Variants in PKNOX2 observed in about 807,000 individuals in gnomAD.
PKNOX2 encodes homeobox protein PKNOX2.
A neutral mutation model predicts 53.1 loss-of-function variants in PKNOX2; 14 were observed. The observed-to-expected ratio is 0.26, with a 90% confidence interval of 0.17 to 0.41. The LOEUF is 0.41. Among genes scored for constraint, PKNOX2 ranks in the 10% least tolerant of loss-of-function variants. The pLI is 1.00. For missense variants in PKNOX2, 496 were observed against 602.8 expected, an observed-to-expected ratio of 0.82 and a Z score of 1.85; for synonymous variants, 257 against 242.8, an observed-to-expected ratio of 1.06 and a Z score of -0.54.
intron 1 of PKNOX2, among the ~76,000 whole-genome samples, chr11:125,215,075 C>T (rs1433891151): frequency 6.6e-6 from 1 of 152,062 alleles, no homozygotes; most frequent in East Asian, 1.9e-4. Flanking sequence ...TTGTTGGAAG[C>T]TTTCTCCTCT....
chr11:125,248,228 T>G (rs1416711963), intron 2 of PKNOX2, among the ~76,000 whole-genome samples: 1 of 152,234 alleles, frequency 6.6e-6, no homozygotes, highest in African/African-American at 2.4e-5. Context: ...CTTGGAGTTT[T>G]CTGCTCCAGG....
intron 2 of PKNOX2, among the ~76,000 whole-genome samples, chr11:125,260,891 G>C (rs1331525561): frequency 6.6e-6 from 1 of 152,176 alleles, no homozygotes; most frequent in East Asian, 1.9e-4. Flanking sequence ...GTGGAGAAGT[G>C]GGAAGGAAGC....
At position 125,305,555 on chromosome 11, in the gene PKNOX2, G is replaced by A. The variant is rs1027936473; in HGVS notation, c.-129-26264G>A. On this transcript the variant is annotated intron_variant, in intron 2 of 12. Coordinates refer to ENST00000298282, the MANE Select transcript of PKNOX2 (RefSeq NM_001382323.2). ...GCACCCCCACCCCAGGCAGTGATCCGGCATAGCTGGAGGGGAGCCACTCAG... is the reference window on the plus strand; with the variant it reads ...GCACCCCCACCCCAGGCAGTGATCCAGCATAGCTGGAGGGGAGCCACTCAG... Among the ~76,000 whole-genome samples, 217 of 152,296 alleles carry A rather than the reference G, an allele frequency of 1.4e-3. 3 individuals are homozygous for A. The highest frequency in any genetic ancestry group is 3.4e-3 in the Middle Eastern group (1 of 294).
chr11:125,172,020 C>A (rs934942459), intron 1 of PKNOX2, among the ~76,000 whole-genome samples: 2 of 152,190 alleles, frequency 1.3e-5, no homozygotes, highest in Non-Finnish European at 2.9e-5. Context: ...ACAGGGCAGA[C>A]TTCTGGGAGG....
chr11:125,192,698 G>A (rs528085552), intron 1 of PKNOX2, among the ~76,000 whole-genome samples: 1 of 152,280 alleles, frequency 6.6e-6, no homozygotes, highest in Admixed American at 6.5e-5. Context: ...TTTTCTGGAT[G>A]GGGAACCCAG....
At chr11:125,265,359 C>CCAAGG (rs1465489394) in intron 2 of PKNOX2, among the ~76,000 whole-genome samples, 1 of 152,132 alleles carries the variant, frequency 6.6e-6, no homozygotes, top group Non-Finnish European at 1.5e-5. Context: ...ACATGTATGA[C>CCAAGG]CAAGGCAAGC....
intron 1 of PKNOX2, among the ~76,000 whole-genome samples, chr11:125,182,188 G>C (rs626475): frequency 6.6e-6 from 1 of 152,094 alleles, no homozygotes; most frequent in African/African-American, 2.4e-5. Context: ...GGATTGTAAC[G>C]ACTTTCACAC....
chr11:125,191,953 T>C (rs1956903108), intron 1 of PKNOX2, among the ~76,000 whole-genome samples: 2 of 152,228 alleles, frequency 1.3e-5, no homozygotes, highest in African/African-American at 4.8e-5. Flanking sequence ...GCGCTGTCAA[T>C]AGAGCTGTTA....
intron 3 of PKNOX2, among the ~76,000 whole-genome samples, chr11:125,349,510 C>T (rs1216341795): frequency 1.3e-5 from 2 of 152,174 alleles, no homozygotes; most frequent in East Asian, 3.9e-4. Flanking sequence ...GAGTGACAGG[C>T]GGTGAGGCCG....
Position 125,248,959 on chromosome 11 carries a change from TAC to T in PKNOX2, c.-130+13846_-130+13847del, listed in dbSNP as rs1943788786. ...TATATAACGTATATACATGTATATA[TAC>T]ATACATATATACATATAATATATGT... is the stretch of plus-strand genomic sequence containing the variant. On this transcript the variant is annotated intron_variant, in intron 2 of 12. Coordinates refer to ENST00000298282, the MANE Select transcript of PKNOX2 (RefSeq NM_001382323.2). Among the ~76,000 whole-genome samples the T allele has an allele frequency of 4.2e-5, 6 of 143,700 alleles. No individual in the cohort carries two copies. The South Asian group carries it at 1.1e-3, about 25-fold the overall frequency. The allele number at this position is 143,700 out of a possible 152,430, so 94.3% of individuals were successfully genotyped here.
At chr11:125,354,597 C>T (rs1951500825) in intron 4 of PKNOX2, among the ~76,000 whole-genome samples, 1 of 152,190 alleles carries the variant, frequency 6.6e-6, no homozygotes, top group Non-Finnish European at 1.5e-5. Flanking sequence ...CGAGCATAAT[C>T]TATTCAAATG....
intron 2 of PKNOX2, among the ~76,000 whole-genome samples, chr11:125,322,074 G>A (rs1949543547): frequency 6.6e-6 from 1 of 152,140 alleles, no homozygotes; most frequent in Non-Finnish European, 1.5e-5. Flanking sequence ...TTTTGGAGAG[G>A]CACATTCAGA....
intron 1 of PKNOX2, among the ~76,000 whole-genome samples, chr11:125,204,418 C>T (rs1938824223): frequency 6.6e-6 from 1 of 152,140 alleles, no homozygotes; most frequent in Non-Finnish European, 1.5e-5. Context: ...TGCTGCTGGT[C>T]CCTGGCCACA....
intron 1 of PKNOX2, among the ~76,000 whole-genome samples, chr11:125,179,809 TATAA>T (rs1565462835): frequency 6.6e-6 from 1 of 152,296 alleles, no homozygotes; most frequent in East Asian, 1.9e-4. Context: ...CAATAAAAAT[TATAA>T]ATAGATTGCA....
intron 6 of PKNOX2, among the ~76,000 whole-genome samples, chr11:125,395,660 AT>A (rs1250801933): frequency 6.6e-6 from 1 of 152,050 alleles, no homozygotes; most frequent in African/African-American, 2.4e-5. Flanking sequence ...TTTAATTTGC[AT>A]TTCCCTAGTG....
At chr11:125,169,252 C>G (rs113328592) in intron 1 of PKNOX2, among the ~76,000 whole-genome samples, 4 of 152,280 alleles carry the variant, frequency 2.6e-5, no homozygotes, top group African/African-American at 7.2e-5. Context: ...CCACCGTTAG[C>G]CTGAGTCTAG....
rs193146021 is a variant in PKNOX2, at chr11:125,358,940, T to C, written c.87+7548T>C. The stretch of plus-strand genomic sequence containing the variant: ...TTGCCGGTGTTGGGGTCCGTTCAGA[T>C]GAGGCAGGAGTCCAGTCTTCTGCGG... On this transcript the variant is annotated intron_variant, in intron 4 of 12. Transcript: ENST00000298282. Among the ~76,000 whole-genome samples the C allele has an allele frequency of 5.5e-3, 838 of 152,248 alleles. 4 individuals carry two copies. Among genetic ancestry groups the C allele is most frequent in the Non-Finnish European group, 8.3e-3 (567 of 68,020 alleles).
At chr11:125,299,496 G>T (rs1486539382) in intron 2 of PKNOX2, among the ~76,000 whole-genome samples, 1 of 152,158 alleles carries the variant, frequency 6.6e-6, no homozygotes, top group African/African-American at 2.4e-5. Flanking sequence ...GGGTGACAGA[G>T]GAAGCTGTGC....
chr11:125,253,909 G>A (rs572503382), intron 2 of PKNOX2, among the ~76,000 whole-genome samples: 26 of 152,198 alleles, frequency 1.7e-4, no homozygotes, highest in African/African-American at 6.3e-4. Flanking sequence ...CGGTTGTCAG[G>A]AACACACATC....
Sources: allele counts gnomAD v4.1 joint callset (sites outside exome capture counted in the v4.1 genomes callset), GRCh38; gene constraint gnomAD v4.1.1; transcripts MANE v1.5; gene names NCBI Gene and HGNC (gene_info 2026-07-23, HGNC 2026-07-21).